PCDHGB1: variants seen among roughly 807,000 people sequenced by gnomAD.
The protein encoded by PCDHGB1 is protocadherin gamma subfamily B, 1.
A neutral mutation model predicts 56.6 loss-of-function variants in PCDHGB1; 34 were observed. The observed-to-expected ratio is 0.60, with a 90% confidence interval of 0.46 to 0.80. The LOEUF is 0.80. Among genes scored for constraint, PCDHGB1 ranks in the 30% least tolerant of loss-of-function variants. The pLI is 0.00. For synonymous variants in PCDHGB1, 561 were observed against 505.9 expected (o/e 1.11, Z -1.46); for missense variants, 1,278 against 1,204.6 (o/e 1.06, Z -0.90).
In PCDHGB1 at chr5:141,422,843, G is replaced by C. The variant is rs778670588; in HGVS notation, c.2409+70174G>C. 1.9e-6 allele frequency: 3 copies of C among 1,614,234 alleles called. No homozygotes were observed. In the East Asian group the frequency reaches 6.7e-5, roughly 36 times the overall value. ...CTGAGAGTGATAGCACGTGACAGCG[G>C]GGACCCGCCCCTCAGCAGCAACGTG... is the stretch of plus-strand genomic sequence containing the variant. On this transcript the variant is annotated intron_variant, in intron 1 of 3. Coordinates refer to ENST00000523390, the MANE Select transcript of PCDHGB1 (RefSeq NM_018922.3).
intron 1 of PCDHGB1, chr5:141,428,769 T>A (rs1367357065): frequency 6.5e-6 from 1 of 154,242 alleles, no homozygotes; most frequent in Non-Finnish European, 1.4e-5. Flanking sequence ...TTGCCCACTC[T>A]TAATATTTCC....
chr5:141,433,001 G>T, intron 1 of PCDHGB1: 1 of 1,614,156 alleles, frequency 6.2e-7, no homozygotes, highest in African/African-American at 1.3e-5. Flanking sequence ...CGGGGTGCAG[G>T]CTTTCCTGCA....
At position 141,403,424 on chromosome 5, in the gene PCDHGB1, A is replaced by G. The variant is rs771429615; in HGVS notation, c.2409+50755A>G. ...AGCACGTTATCCACTTCCAGAAGCT[A>G]TTGATCCGGATGTTGGCGTGAACTC... is the stretch of plus-strand genomic sequence containing the variant. On this transcript the variant is annotated intron_variant, in intron 1 of 3. Transcript: ENST00000523390. The G allele has an allele frequency of 3.1e-6, 5 of 1,613,932 alleles. No homozygotes were observed. In the African/African-American group the frequency reaches 4.0e-5, roughly 13 times the overall value.
rs553462245 is a variant in PCDHGB1 at position 141,511,198 on chromosome 5, A to T, written c.*25A>T. Reference sequence around the variant, plus strand: ...ACATGGAGGCCAGGCCAAGAGCCACAGGGCGGCCTCTCCCCAACCAGCCCA... The same window carrying T: ...ACATGGAGGCCAGGCCAAGAGCCACTGGGCGGCCTCTCCCCAACCAGCCCA... On this transcript the variant is annotated 3_prime_UTR_variant, in exon 4 of 4. Transcript: ENST00000523390. The T allele has an allele frequency of 2.7e-5, 43 of 1,612,954 alleles. 1 individual carries two copies. The South Asian group carries it at 4.5e-4, about 17-fold the overall frequency.
In PCDHGB1 at chr5:141,511,421, G is replaced by A. The variant is rs1289887363; in HGVS notation, c.*248G>A. 19 of 829,148 alleles carry A rather than the reference G, an allele frequency of 2.3e-5. No individual in the cohort carries two copies. The highest frequency in any genetic ancestry group is 3.8e-4 in the Middle Eastern group (1 of 2,640). 51.4% of individuals were successfully genotyped at this position (829,148 alleles called of 1,614,324 possible). On this transcript the variant is annotated 3_prime_UTR_variant, in exon 4 of 4. Coordinates refer to ENST00000523390, the MANE Select transcript of PCDHGB1 (RefSeq NM_018922.3). The stretch of plus-strand genomic sequence containing the variant: ...CCAATCAACTGCTGTACCCATGGGG[G>A]TAGTGGGGTTACTGTAGACACCAAG...
chr5:141,448,192 TACAAAC>T (rs2098573842), intron 1 of PCDHGB1, among the ~76,000 whole-genome samples: 1 of 152,188 alleles, frequency 6.6e-6, no homozygotes, highest in Non-Finnish European at 1.5e-5. Flanking sequence ...TATGTACACT[TACAAAC>T]ATTTTCTGTG....
chr5:141,413,218 A>C, intron 1 of PCDHGB1: 1 of 1,613,610 alleles, frequency 6.2e-7, no homozygotes, highest in Non-Finnish European at 8.5e-7. Context: ...AAAGGATTGC[A>C]GCGGGCTGGT....
At chr5:141,366,856 T>C (rs900954854) in intron 1 of PCDHGB1, 26 of 1,424,752 alleles carry the variant, frequency 1.8e-5, no homozygotes, top group Non-Finnish European at 2.4e-5. Context: ...TAGTGGAACA[T>C]TATTTGCTGT....
chr5:141,394,918 G>A, intron 1 of PCDHGB1: 1 of 1,613,812 alleles, frequency 6.2e-7, no homozygotes, highest in Non-Finnish European at 8.5e-7. Context: ...GCCATCTCCT[G>A]TGTCTTCCTC....
chr5:141,389,355 G>A, intron 1 of PCDHGB1: 3 of 1,613,950 alleles, frequency 1.9e-6, no homozygotes, highest in Non-Finnish European at 1.7e-6. Flanking sequence ...CTGCATCATG[G>A]CCAGTGACCT....
rs1477359818 is a variant in PCDHGB1, at chr5:141,397,350, G to A, written c.2409+44681G>A. 3.9e-5 allele frequency among the ~76,000 whole-genome samples: 6 copies of A among 152,268 alleles called. No individual in the cohort carries two copies. In the East Asian group the frequency reaches 9.6e-4, roughly 24 times the overall value. On this transcript the variant is annotated intron_variant, in intron 1 of 3. Coordinates refer to ENST00000523390, the MANE Select transcript of PCDHGB1 (RefSeq NM_018922.3). ...TATTTTTATAAAGAATGTTAATATA[G>A]TCAGGAAGAGGAGATGTTTGGGGAT... is the stretch of plus-strand genomic sequence containing the variant.
chr5:141,383,074 C>T, intron 1 of PCDHGB1: 3 of 1,613,886 alleles, frequency 1.9e-6, no homozygotes, highest in Non-Finnish European at 2.5e-6. Context: ...GCCCCGGGAG[C>T]TGGCGGAGCG....
In PCDHGB1 at chr5:141,490,794, C is replaced by G. The variant is rs763933771; in HGVS notation, c.2410-4013C>G. The G allele has an allele frequency of 5.0e-6, 8 of 1,613,976 alleles. No individual in the cohort carries two copies. In the South Asian group the frequency reaches 7.7e-5, roughly 16 times the overall value. ...ACCCAGAGGATGGACGGATCTTTGCCCAGCGTACCTTTGACTATGAATTGC... is the reference window on the plus strand; with the variant it reads ...ACCCAGAGGATGGACGGATCTTTGCGCAGCGTACCTTTGACTATGAATTGC... On this transcript the variant is annotated intron_variant, in intron 1 of 3. Transcript: ENST00000523390. The surrounding 1 kb of genome is among the most constrained non-coding windows in gnomAD (Gnocchi z 5.4).
intron 1 of PCDHGB1, among the ~76,000 whole-genome samples, chr5:141,405,770 G>C (rs989163026): frequency 1.3e-5 from 2 of 152,032 alleles, no homozygotes; most frequent in East Asian, 3.9e-4. Context: ...GAGCCACTGC[G>C]CCTGGCCCTT....
chr5:141,414,572 C>T, intron 1 of PCDHGB1: 1 of 1,613,960 alleles, frequency 6.2e-7, no homozygotes, highest in Non-Finnish European at 8.5e-7. Context: ...ACCTATATCC[C>T]AGAGAACAAC....
rs371619613 is a variant in PCDHGB1 at position 141,444,258 on chromosome 5, G to A, written c.2410-50549G>A. The stretch of plus-strand genomic sequence containing the variant: ...ATGCTCTCGGCTCACTGCAACCTCC[G>A]CCTCCCAGGTTCAAGTGATTCTCCT... On this transcript the variant is annotated intron_variant, in intron 1 of 3. Coordinates refer to ENST00000523390, the MANE Select transcript of PCDHGB1 (RefSeq NM_018922.3). 1.3e-4 allele frequency among the ~76,000 whole-genome samples: 16 copies of A among 127,752 alleles called. No homozygotes were observed. The South Asian group carries it at 2.7e-3, about 21-fold the overall frequency. The allele number at this position is 127,752 out of a possible 152,430, so 83.8% of individuals were successfully genotyped here.
chr5:141,402,801 G>A, intron 1 of PCDHGB1: 6 of 1,078,624 alleles, frequency 5.6e-6, no homozygotes, highest in Non-Finnish European at 7.6e-6. Context: ...CACAAAACCC[G>A]GCAGATACCA....
chr5:141,403,532 C>T (rs1313886103), intron 1 of PCDHGB1: 2 of 1,613,892 alleles, frequency 1.2e-6, no homozygotes, highest in African/African-American at 2.7e-5. Context: ...AAACCCAGAG[C>T]TGGTGCTGGA....
At chr5:141,357,533 C>G in intron 1 of PCDHGB1, 1 of 1,614,194 alleles carries the variant, frequency 6.2e-7, no homozygotes, top group Non-Finnish European at 8.5e-7. Context: ...TATGCAGACA[C>G]GCTCATCAGC....
Sources: gnomAD v4.1 joint callset for allele counts (sites outside exome capture counted in the v4.1 genomes callset) on GRCh38, gnomAD v4.1.1 for gene constraint, Gnocchi (gnomAD v3.1) non-coding constraint, MANE v1.5 for transcripts, NCBI Gene and HGNC (gene_info 2026-07-23, HGNC 2026-07-21) for gene names.